BCO1: variants seen among roughly 807,000 people sequenced by gnomAD.
BCO1 encodes beta-carotene oxygenase 1.
Under a neutral mutation model 56.3 loss-of-function variants are expected in BCO1, and 54 were observed. The ratio of observed to expected loss-of-function variants is 0.96; its 90% CI spans 0.77 to 1.20. The LOEUF (loss-of-function observed/expected upper bound fraction) is 1.20. Ranked by LOEUF, BCO1 falls within the 50% of genes most tolerant of loss-of-function variation. The probability of loss-of-function intolerance (pLI) is 0.00; values close to 1 mark genes in which losing one functional copy is unlikely to be tolerated. For synonymous variants in BCO1, 318 were observed against 266.1 expected, an observed-to-expected ratio of 1.20 and a Z score of -1.90; for missense variants, 801 against 690.9, an observed-to-expected ratio of 1.16 and a Z score of -1.79.
intron 2 of BCO1, among the ~76,000 whole-genome samples, chr16:81,256,343 T>G (rs1406200720): frequency 6.6e-6 from 1 of 152,182 alleles, no homozygotes; most frequent in Non-Finnish European, 1.5e-5. Flanking sequence ...GCCCATCCTG[T>G]GGCAGTCAAC....
At position 81,251,220 on chromosome 16, in the gene BCO1, T is replaced by C. The variant is rs541825141; in HGVS notation, c.193+5617T>C. Among the ~76,000 whole-genome samples, 14 of 152,142 alleles carry C rather than the reference T, an allele frequency of 9.2e-5. No individual in the cohort carries two copies. The South Asian group carries it at 2.7e-3, about 29-fold the overall frequency. ...AAGAAACAAAAAGGCAGAAAATAGCTTGTGGCCTTCAGCAGAGGCCAGTAG... is the reference window on the plus strand; with the variant it reads ...AAGAAACAAAAAGGCAGAAAATAGCCTGTGGCCTTCAGCAGAGGCCAGTAG... On this transcript the variant is annotated intron_variant, in intron 2 of 10. Coordinates refer to ENST00000258168, the MANE Select transcript of BCO1 (RefSeq NM_017429.3).
chr16:81,253,711 C>T (rs1341538961), intron 2 of BCO1, among the ~76,000 whole-genome samples: 1 of 152,172 alleles, frequency 6.6e-6, no homozygotes, highest in African/African-American at 2.4e-5. Flanking sequence ...CACTTGTAAT[C>T]CCAGCACTTC....
chr16:81,285,701 T>C, intron 9 of BCO1, 67 bp downstream of exon 9: 1 of 1,226,124 alleles, frequency 8.2e-7, no homozygotes, highest in Non-Finnish European at 1.2e-6. Flanking sequence ...AGCTGAATTC[T>C]AAGGTTCTGA....
At chr16:81,278,577 A>G (rs925580795) in intron 7 of BCO1, among the ~76,000 whole-genome samples, 1 of 152,206 alleles carries the variant, frequency 6.6e-6, no homozygotes, top group African/African-American at 2.4e-5. Flanking sequence ...AAGCTAAAAT[A>G]AGGAAAAGAG....
chr16:81,242,502 G>A (rs766921305), intron 1 of BCO1, among the ~76,000 whole-genome samples: 2 of 151,964 alleles, frequency 1.3e-5, no homozygotes, highest in Non-Finnish European at 2.9e-5. Context: ...CGCTGGCCTC[G>A]GCTGTCATTT....
intron 1 of BCO1, among the ~76,000 whole-genome samples, chr16:81,244,049 C>T (rs550594513): frequency 4.6e-5 from 7 of 152,260 alleles, no homozygotes; most frequent in African/African-American, 7.2e-5. Flanking sequence ...AGAGCAGCTT[C>T]CAGGGGCATT....
intron 1 of BCO1, among the ~76,000 whole-genome samples, chr16:81,242,192 CTTTTT>C (rs796252592): frequency 2.5e-5 from 2 of 78,738 alleles, no homozygotes; most frequent in Non-Finnish European, 4.7e-5. Flanking sequence ...ACTTGGCTGT[CTTTTT>C]TTTTTTTTTT....
chr16:81,287,929 T>C (rs1908276673), intron 10 of BCO1, among the ~76,000 whole-genome samples: 1 of 152,136 alleles, frequency 6.6e-6, no homozygotes, highest in Non-Finnish European at 1.5e-5. Flanking sequence ...GTAAACATGG[T>C]TGACTGCCTG....
chr16:81,267,838 A>G, intron 5 of BCO1, 70 bp from the exon 6 acceptor site: 1 of 1,305,186 alleles, frequency 7.7e-7, no homozygotes, highest in Non-Finnish European at 1.1e-6. Flanking sequence ...TTTGTAGGTG[A>G]TGGTGGTGTG....
chr16:81,259,232 G>A (rs547574364), intron 2 of BCO1, among the ~76,000 whole-genome samples: 17 of 152,142 alleles, frequency 1.1e-4, no homozygotes, highest in African/African-American at 3.4e-4. Context: ...GGTGGCTCAC[G>A]CTTGTAATTT....
chr16:81,239,583 T>G (rs940624141), intron 1 of BCO1, among the ~76,000 whole-genome samples: 1 of 152,136 alleles, frequency 6.6e-6, no homozygotes, highest in African/African-American at 2.4e-5. Flanking sequence ...AGATGCATGA[T>G]GTATTTGTGC....
At position 81,285,603 on chromosome 16, in the gene BCO1, C is replaced by T. The variant is rs1908134384; in HGVS notation, c.1271C>T (p.Thr424Ile). 1.2e-6 allele frequency: 2 copies of T among 1,613,060 alleles called. No homozygotes were observed. Among genetic ancestry groups the T allele is most frequent in the South Asian group, 2.2e-5 (2 of 91,082 alleles). ...AAGCAATACCGATATGTCTTTGCTACAGGAGTTCAGTGGAGTCCAATCCCA... is the reference window on the plus strand; with the variant it reads ...AAGCAATACCGATATGTCTTTGCTATAGGAGTTCAGTGGAGTCCAATCCCA... ...NGKQYRYVFA[T>I]GVQWSPIPTK... is the part of the protein sequence containing the mutation. Residue 424 changes from threonine to isoleucine, a missense_variant, in exon 9 of 11, where the codon ACA becomes ATA. By Grantham distance (89) the Thr-to-Ile change is moderately conservative. Coordinates refer to ENST00000258168, the MANE Select transcript of BCO1 (RefSeq NM_017429.3).
intron 1 of BCO1, among the ~76,000 whole-genome samples, chr16:81,244,496 C>G (rs1009730136): frequency 3.3e-5 from 5 of 152,036 alleles, no homozygotes; most frequent in Non-Finnish European, 1.5e-5. Flanking sequence ...CATGTCATTT[C>G]AGACCAACCA....
intron 2 of BCO1, among the ~76,000 whole-genome samples, chr16:81,247,657 G>A (rs1263645400): frequency 2.0e-5 from 3 of 151,910 alleles, no homozygotes. Flanking sequence ...CTCCCGAGTA[G>A]CTGGGATTAC....
chr16:81,267,711 T>G (rs1323866557), intron 5 of BCO1, among the ~76,000 whole-genome samples, 197 bp from the exon 6 acceptor site: 2 of 152,154 alleles, frequency 1.3e-5, no homozygotes, highest in Non-Finnish European at 2.9e-5. Flanking sequence ...AGATTGTATA[T>G]GGGGTGGGTG....
At chr16:81,249,192 GT>G (rs1243080397) in intron 2 of BCO1, among the ~76,000 whole-genome samples, 3 of 150,910 alleles carry the variant, frequency 2.0e-5, no homozygotes, top group African/African-American at 7.3e-5. Context: ...CCAGGTTCAA[GT>G]GATTCTCATG....
At chr16:81,249,959 G>C (rs770251603) in intron 2 of BCO1, among the ~76,000 whole-genome samples, 3 of 152,164 alleles carry the variant, frequency 2.0e-5, no homozygotes, top group Non-Finnish European at 4.4e-5. Flanking sequence ...CTTGGAAACT[G>C]TATATGGAGC....
At chr16:81,256,141 C>A (rs771441993) in intron 2 of BCO1, among the ~76,000 whole-genome samples, 2 of 151,336 alleles carry the variant, frequency 1.3e-5, no homozygotes, top group Non-Finnish European at 2.9e-5. Flanking sequence ...CCAGCGAATG[C>A]ATTTCTGGTT....
At chr16:81,263,521 G>C (rs1906627849) in intron 4 of BCO1, 1 of 152,168 alleles carries the variant, frequency 6.6e-6, no homozygotes, top group Non-Finnish European at 1.5e-5. Flanking sequence ...AGGTACCCAA[G>C]GTGAGGACTT....
Sources: gnomAD v4.1 joint callset for allele counts (sites outside exome capture counted in the v4.1 genomes callset) on GRCh38, gnomAD v4.1.1 for gene constraint, MANE v1.5 for transcripts, NCBI Gene and HGNC (gene_info 2026-07-23, HGNC 2026-07-21) for gene names.